The following SPEF2 variants were observed in gnomAD, a reference collection of about 807,000 sequenced individuals.
The protein encoded by SPEF2 is sperm flagellar and cilia associated 2.
A neutral mutation model predicts 224.6 loss-of-function variants in SPEF2; 187 were observed. The ratio of observed to expected loss-of-function variants is 0.83; its 90% CI spans 0.74 to 0.94. The LOEUF is 0.94. SPEF2 is among the 40% of genes least tolerant of loss of function. The pLI, the probability that SPEF2 is intolerant of heterozygous loss-of-function variation, is 0.00. For synonymous variants in SPEF2, 715 were observed against 707.3 expected, an observed-to-expected ratio of 1.01 and a Z score of -0.17; for missense variants, 2,170 against 2,135.6, an observed-to-expected ratio of 1.02 and a Z score of -0.32.
At chr5:35,791,729 A>G (rs56773364) in intron 30 of SPEF2, among the ~76,000 whole-genome samples, 4,349 of 152,218 alleles carry the variant, frequency 0.029, 217 homozygotes, top group African/African-American at 0.1. Flanking sequence ...GTTAGTTCAT[A>G]AGAGCAAAGA....
chr5:35,766,085 C>A (rs994714344), intron 26 of SPEF2, among the ~76,000 whole-genome samples: 1 of 152,120 alleles, frequency 6.6e-6, no homozygotes, highest in South Asian at 2.1e-4. Flanking sequence ...TGAGTGAGTT[C>A]TGTAATTTTC....
intron 19 of SPEF2, chr5:35,710,953 C>T: frequency 2.3e-6 from 2 of 886,998 alleles, no homozygotes; most frequent in African/African-American, 3.6e-5. Flanking sequence ...ATTGCTGCCA[C>T]CCAACCTTAC....
At chr5:35,741,255 T>G (rs1344939952) in intron 23 of SPEF2, among the ~76,000 whole-genome samples, 1 of 152,222 alleles carries the variant, frequency 6.6e-6, no homozygotes, top group Non-Finnish European at 1.5e-5. Flanking sequence ...GAACGTTGGA[T>G]GTACCATTTT....
rs6891096 is a variant in SPEF2 at position 35,697,861 on chromosome 5, A to G, written c.2141+68A>G. On this transcript the variant is annotated intron_variant, in intron 15 of 36. Coordinates refer to ENST00000356031, the MANE Select transcript of SPEF2 (RefSeq NM_024867.4). ...CTTTATCACACAAAGATGTATAAAG[A>G]ATAATACGGATTTTTTGTTGTAATA... 35,631 of 1,158,556 alleles carry G rather than the reference A, an allele frequency of 0.031. 1,098 individuals are homozygous for G. Among genetic ancestry groups the G allele is most frequent in the African/African-American group, 0.12 (7,838 of 64,326 alleles). The allele number at this position is 1,158,556 out of a possible 1,614,324, so 71.8% of individuals were successfully genotyped here.
chr5:35,659,174 T>A lies in SPEF2; in HGVS notation c.1134T>A (p.Leu378=), dbSNP rs775444652. 1 of 1,611,846 alleles carries A rather than the reference T, an allele frequency of 6.2e-7. No homozygotes were observed. Among genetic ancestry groups the A allele is most frequent in the Non-Finnish European group, 8.5e-7 (1 of 1,178,798 alleles). Residue 378 remains leucine, a synonymous_variant, in exon 8 of 37, where the codon CTT becomes CTA. Transcript: ENST00000356031. The part of the protein sequence containing the change: ...FREKQHEERR[L]KDFQDALDRE... ...AAAAACAACATGAGGAAAGACGACTTAAAGATTTCCAGGATGCTCTTGATC... is the reference window on the plus strand; with the variant it reads ...AAAAACAACATGAGGAAAGACGACTAAAAGATTTCCAGGATGCTCTTGATC...
intron 12 of SPEF2, among the ~76,000 whole-genome samples, chr5:35,693,346 T>C (rs1487706827): frequency 6.6e-6 from 1 of 152,126 alleles, no homozygotes; most frequent in Admixed American, 6.6e-5. Context: ...TAAGTGGTGT[T>C]CAGAAACTGT....
intron 15 of SPEF2, chr5:35,699,333 G>A (rs1345924443): frequency 6.6e-6 from 1 of 152,176 alleles, no homozygotes; most frequent in Non-Finnish European, 1.5e-5. Flanking sequence ...GGGCTTAGAA[G>A]AACAAAGTCA....
chr5:35,640,655 C>G (rs890108567), intron 2 of SPEF2, among the ~76,000 whole-genome samples: 1 of 152,096 alleles, frequency 6.6e-6, no homozygotes, highest in Admixed American at 6.6e-5. Flanking sequence ...CCTCCAAGGC[C>G]TTTTTCTCTT....
intron 5 of SPEF2, among the ~76,000 whole-genome samples, chr5:35,648,462 G>T (rs887412301): frequency 3.4e-5 from 5 of 148,718 alleles, no homozygotes; most frequent in African/African-American, 1.2e-4. Flanking sequence ...ATGGATCATT[G>T]CAGCCTTAAC....
intron 34 of SPEF2, among the ~76,000 whole-genome samples, chr5:35,803,082 G>T (rs1456605625): frequency 6.6e-6 from 1 of 152,322 alleles, no homozygotes; most frequent in South Asian, 2.1e-4. Flanking sequence ...GCCAGTGCTT[G>T]ATTAGTATTT....
intron 27 of SPEF2, 32 bp downstream of exon 27, chr5:35,771,788 A>C: frequency 6.4e-7 from 1 of 1,570,530 alleles, no homozygotes; most frequent in South Asian, 1.2e-5. Context: ...AGAACCCTGG[A>C]TGCCTAAACC....
chr5:35,645,026 T>C (rs1477191803), intron 4 of SPEF2, among the ~76,000 whole-genome samples: 1 of 152,212 alleles, frequency 6.6e-6, no homozygotes, highest in East Asian at 1.9e-4. Context: ...AACTTCTTTC[T>C]GGCCCTTGCT....
At chr5:35,624,124 T>C (rs1311090202) in intron 1 of SPEF2, among the ~76,000 whole-genome samples, 3 of 152,166 alleles carry the variant, frequency 2.0e-5, no homozygotes, top group African/African-American at 4.8e-5. Context: ...GCCATTTTGA[T>C]GGAAAGGCAC....
At chr5:35,774,959 C>T (rs565165401) in intron 28 of SPEF2, among the ~76,000 whole-genome samples, 5 of 152,306 alleles carry the variant, frequency 3.3e-5, no homozygotes, top group African/African-American at 9.6e-5. Flanking sequence ...TTTCAGTATA[C>T]TTCATCTTTC....
intron 2 of SPEF2, among the ~76,000 whole-genome samples, chr5:35,630,683 G>A (rs893912831): frequency 2.7e-4 from 41 of 151,848 alleles, no homozygotes; most frequent in African/African-American, 9.9e-4. Context: ...GCAGCAGAGC[G>A]AGACTCCGTC....
intron 10 of SPEF2, chr5:35,671,567 T>C (rs892078914): frequency 1.2e-5 from 11 of 950,018 alleles, no homozygotes; most frequent in African/African-American, 3.6e-5. Context: ...AGTCATTTTA[T>C]TTGACAGACT....
chr5:35,748,273 T>G (rs1748872150), intron 23 of SPEF2, among the ~76,000 whole-genome samples: 1 of 151,258 alleles, frequency 6.6e-6, no homozygotes, highest in African/African-American at 2.4e-5. Flanking sequence ...CTCAAGGAAC[T>G]AGAAAAACAA....
At chr5:35,625,825 A>C (rs919201462) in intron 1 of SPEF2, among the ~76,000 whole-genome samples, 4 of 152,150 alleles carry the variant, frequency 2.6e-5, no homozygotes, top group African/African-American at 9.7e-5. Context: ...TAAGGGAAGG[A>C]GAAAGCTGCA....
intron 6 of SPEF2, among the ~76,000 whole-genome samples, chr5:35,654,113 AG>A (rs916141129): frequency 1.7e-4 from 25 of 151,448 alleles, no homozygotes; most frequent in African/African-American, 5.8e-4. Flanking sequence ...ATACAAAATT[AG>A]CCTGGCGTGG....
Sources: allele counts gnomAD v4.1 joint callset (sites outside exome capture counted in the v4.1 genomes callset), GRCh38; gene constraint gnomAD v4.1.1; transcripts MANE v1.5; gene names NCBI Gene and HGNC (gene_info 2026-07-23, HGNC 2026-07-21).